G3BP2: variants seen among roughly 807,000 people sequenced by gnomAD.
G3BP2 encodes G3BP stress granule assembly factor 2.
Under a neutral mutation model 56.7 loss-of-function variants are expected in G3BP2, and 11 were observed. The ratio of observed to expected loss-of-function variants is 0.19; its 90% confidence interval spans 0.12 to 0.32. The LOEUF is 0.32. Among genes scored for constraint, G3BP2 ranks in the 10% least tolerant of loss-of-function variants. The pLI is 1.00. For missense variants in G3BP2, 340 were observed against 610.9 expected, an observed-to-expected ratio of 0.56 and a Z score of 4.67; for synonymous variants, 165 against 191.6, an observed-to-expected ratio of 0.86 and a Z score of 1.15.
chr4:75,715,096 T>C (rs976470131), intron 3 of G3BP2, among the ~76,000 whole-genome samples: 3 of 152,228 alleles, frequency 2.0e-5, no homozygotes, highest in Non-Finnish European at 4.4e-5. Context: ...TTCTGGTCTG[T>C]ATCATGCTGA....
intron 4 of G3BP2, 32 bp downstream of exon 4, chr4:75,657,525 T>A (rs1284790202): frequency 5.9e-6 from 9 of 1,533,194 alleles, no homozygotes; most frequent in Non-Finnish European, 8.0e-6. Flanking sequence ...AGCAACCATA[T>A]AAATGAAAAC....
intron 3 of G3BP2, among the ~76,000 whole-genome samples, chr4:75,695,988 AAAAAAAAAAAAAAG>A (rs1197726411): frequency 1.5e-5 from 2 of 131,716 alleles, no homozygotes; most frequent in Admixed American, 8.4e-5. Flanking sequence ...AAAAAAAAAA[AAAAAAAAAAAAAAG>A]AGTTAACAGA....
At chr4:75,653,868 G>GT (rs1212401676) in intron 8 of G3BP2, 115 bp downstream of exon 8, 1 of 607,646 alleles carries the variant, frequency 1.6e-6, no homozygotes, top group South Asian at 2.0e-5. Context: ...TATAATACAA[G>GT]TTTTTTGTAT....
rs1730954953 is a variant in G3BP2 at position 75,643,019 on chromosome 4, T to C, written c.*2411A>G. The C allele has an allele frequency of 1.3e-5, 2 of 152,396 alleles. No individual in the cohort carries two copies. Among genetic ancestry groups the C allele is most frequent in the African/African-American group, 4.8e-5 (2 of 41,404 alleles). 9.4% of individuals were successfully genotyped at this position (152,396 alleles called of 1,614,324 possible). A position where few individuals can be genotyped will look rare whatever the true frequency, so the allele number is the denominator to read the frequency against. ...AGGATAGAATATTACCATCAAAAAATAAAACAAAATCAGCAAATAACAGTA... is the reference window on the plus strand; with the variant it reads ...AGGATAGAATATTACCATCAAAAAACAAAACAAAATCAGCAAATAACAGTA... On this transcript the variant is annotated 3_prime_UTR_variant, in exon 12 of 12. Coordinates refer to ENST00000359707, the MANE Select transcript of G3BP2 (RefSeq NM_203505.3).
At chr4:75,667,525 T>G (rs1347655299) in intron 1 of G3BP2, among the ~76,000 whole-genome samples, 1 of 152,176 alleles carries the variant, frequency 6.6e-6, no homozygotes, top group African/African-American at 2.4e-5. Context: ...TGTAAAATTT[T>G]ATCTGATACA....
chr4:75,647,470 A>G (rs1018225927), intron 9 of G3BP2, among the ~76,000 whole-genome samples: 1 of 148,182 alleles, frequency 6.7e-6, no homozygotes, highest in Non-Finnish European at 1.5e-5. Context: ...CCAGGAACCA[A>G]GCAGATTTCA....
chr4:75,718,339 T>C (rs2149119412), intron 3 of G3BP2, among the ~76,000 whole-genome samples: 1 of 152,204 alleles, frequency 6.6e-6, no homozygotes, highest in Non-Finnish European at 1.5e-5. Flanking sequence ...AGGGTATAGA[T>C]TTGCTTGCTG....
At chr4:75,680,860 C>G (rs554788389) in intron 3 of G3BP2, among the ~76,000 whole-genome samples, 2 of 151,548 alleles carry the variant, frequency 1.3e-5, no homozygotes, top group African/African-American at 4.8e-5. Flanking sequence ...CCCAGCTACT[C>G]GGGAGGCCGA....
At chr4:75,648,563 T>C in intron 9 of G3BP2, 76 bp downstream of exon 9, 6 of 746,614 alleles carry the variant, frequency 8.0e-6, no homozygotes, top group Middle Eastern at 2.4e-4. Context: ...GAACGCATCA[T>C]AGTTTTTTGT....
chr4:75,653,703 G>C (rs1240733474), intron 8 of G3BP2, among the ~76,000 whole-genome samples: 1 of 150,662 alleles, frequency 6.6e-6, no homozygotes, highest in African/African-American at 2.4e-5. Context: ...TTTTGAAAAA[G>C]GAACATTCTT....
In G3BP2 at chr4:75,653,128, G is replaced by A. The variant is rs565246627; in HGVS notation, c.825+855C>T. Among the ~76,000 whole-genome samples, 7 of 150,836 alleles carry A rather than the reference G, an allele frequency of 4.6e-5. No individual in the cohort carries two copies. In the South Asian group the frequency reaches 6.3e-4, roughly 14 times the overall value. ...AAAAAAAAAAAAAAGTATCACGGGC[G>A]TATTCTACTTTTATGTAGCTGATTA... On this transcript the variant is annotated intron_variant, in intron 8 of 11. Coordinates refer to ENST00000359707, the MANE Select transcript of G3BP2 (RefSeq NM_203505.3).
chr4:75,673,515 C>A, upstream of G3BP2: 2 of 1,232,236 alleles, frequency 1.6e-6, no homozygotes, highest in Non-Finnish European at 2.0e-6. Context: ...TCCTCCAGAG[C>A]CGGACCCAAC....
intron 3 of G3BP2, among the ~76,000 whole-genome samples, chr4:75,705,059 C>T (rs1015173618): frequency 8.6e-5 from 13 of 152,024 alleles, no homozygotes; most frequent in African/African-American, 3.1e-4. Flanking sequence ...TTTAGTTCAT[C>T]GGCTATCATT....
At chr4:75,665,664 C>A (rs1456717483) in intron 1 of G3BP2, among the ~76,000 whole-genome samples, 1 of 142,770 alleles carries the variant, frequency 7.0e-6, no homozygotes, top group African/African-American at 2.9e-5. Context: ...CAAACACACA[C>A]ACACACACAC....
chr4:75,703,941 GCTT>G (rs1719441739), intron 3 of G3BP2, among the ~76,000 whole-genome samples: 1 of 151,740 alleles, frequency 6.6e-6, no homozygotes, highest in Non-Finnish European at 1.5e-5. Context: ...CAGAGTAAAT[GCTT>G]CTTTTGATTG....
chr4:75,677,299 G>A (rs568744196), upstream of G3BP2, among the ~76,000 whole-genome samples: 21 of 152,206 alleles, frequency 1.4e-4, no homozygotes, highest in East Asian at 3.5e-3. Context: ...GCGGCTGGGC[G>A]CAGTGGTTCA....
rs763878114 is a variant in G3BP2, at chr4:75,657,605, A to G, written c.303T>C (p.Ser101=). The G allele has an allele frequency of 1.2e-6, 2 of 1,612,676 alleles. No individual in the cohort carries two copies. Among genetic ancestry groups the G allele is most frequent in the Non-Finnish European group, 1.7e-6 (2 of 1,179,460 alleles). ...VVQVMGLLSN[S]GQPERKFMQT... is the part of the protein sequence containing the mutation. ...GCATAAACTTTCTTTCTGGTTGTCC[A>G]CTGTTAGACAGCAAACCCATGACCT... The change falls in exon 4 of 12, where the codon AGT becomes AGC. Residue 101 remains serine, a synonymous_variant. Transcript: ENST00000359707.
chr4:75,667,963 C>T (rs3775071), intron 1 of G3BP2, among the ~76,000 whole-genome samples: 4,155 of 152,102 alleles, frequency 0.027, 85 homozygotes, highest in Non-Finnish European at 0.041. Context: ...CCTATCGCAC[C>T]TAAAATCCCA....
chr4:75,667,914 A>T (rs926522921), intron 1 of G3BP2, among the ~76,000 whole-genome samples: 21 of 152,168 alleles, frequency 1.4e-4, no homozygotes, highest in Non-Finnish European at 2.9e-5. Context: ...CGAAAACATT[A>T]TCCAGTATAG....
Sources: gnomAD v4.1 joint callset for allele counts (sites outside exome capture counted in the v4.1 genomes callset) on GRCh38, gnomAD v4.1.1 for gene constraint, MANE v1.5 for transcripts, NCBI Gene and HGNC (gene_info 2026-07-23, HGNC 2026-07-21) for gene names.